The following SCARA5 variants were observed in gnomAD, a reference collection of about 807,000 sequenced individuals.
SCARA5 encodes scavenger receptor class A member 5.
SCARA5 carries 45 observed loss-of-function variants against 46.3 expected under a neutral mutation model. The observed-to-expected ratio is 0.97, with a 90% CI of 0.76 to 1.24. SCARA5 has a LOEUF of 1.24. Among genes scored for constraint, SCARA5 ranks in the 50% most tolerant of loss-of-function variants. The probability of loss-of-function intolerance (pLI) is 0.00; values close to 1 mark genes in which losing one functional copy is unlikely to be tolerated. For synonymous variants in SCARA5, 333 were observed against 306.5 expected, an observed-to-expected ratio of 1.09 and a Z score of -0.90; for missense variants, 680 against 689.0, an observed-to-expected ratio of 0.99 and a Z score of 0.15.
At chr8:27,897,290 C>T (rs992862538) in intron 7 of SCARA5, among the ~76,000 whole-genome samples, 7 of 152,276 alleles carry the variant, frequency 4.6e-5, no homozygotes, top group African/African-American at 7.2e-5. Flanking sequence ...GGACTCAATC[C>T]GCAGAGCCCA....
intron 2 of SCARA5, among the ~76,000 whole-genome samples, chr8:27,967,297 C>T (rs1482944368): frequency 6.6e-6 from 1 of 152,158 alleles, no homozygotes; most frequent in African/African-American, 2.4e-5. Context: ...TAATTCAACC[C>T]CTTTGTTGTA....
chr8:27,904,676 C>A (rs1306948445), intron 7 of SCARA5, 102 bp downstream of exon 7: 1 of 1,056,870 alleles, frequency 9.5e-7, no homozygotes, highest in Non-Finnish European at 1.5e-6. Context: ...TGAGCCCCAG[C>A]CATGGCTCCA....
chr8:27,916,769 A>G (rs1807467938), intron 4 of SCARA5, among the ~76,000 whole-genome samples: 2 of 152,186 alleles, frequency 1.3e-5, no homozygotes, highest in African/African-American at 4.8e-5. Context: ...CAGTGGTGAT[A>G]ATGAGAGCTG....
chr8:27,891,203 T>TTTG (rs1415737681), intron 7 of SCARA5, among the ~76,000 whole-genome samples: 3 of 52,140 alleles, frequency 5.8e-5, no homozygotes, highest in Non-Finnish European at 1.9e-4. Context: ...AGGTTTGTTT[T>TTTG]TTTTTTGTTT....
chr8:27,928,699 T>G (rs1377153081), intron 3 of SCARA5, among the ~76,000 whole-genome samples: 2 of 152,146 alleles, frequency 1.3e-5, no homozygotes, highest in South Asian at 4.1e-4. Context: ...AGAGTTTTGC[T>G]TTGTTGCTCA....
chr8:27,940,242 G>A (rs572864626), intron 3 of SCARA5, among the ~76,000 whole-genome samples: 81 of 152,254 alleles, frequency 5.3e-4, no homozygotes, highest in African/African-American at 1.9e-3. Flanking sequence ...TTATTCTCAC[G>A]AGTAAGCATG....
intron 4 of SCARA5, among the ~76,000 whole-genome samples, chr8:27,916,369 G>C (rs1036969864): frequency 6.6e-6 from 1 of 152,110 alleles, no homozygotes; most frequent in Admixed American, 6.5e-5. Context: ...GTGCATGTGT[G>C]TGTACATGCA....
chr8:27,920,591 C>T (rs1379441563), intron 4 of SCARA5, among the ~76,000 whole-genome samples: 6 of 143,886 alleles, frequency 4.2e-5, no homozygotes, highest in Admixed American at 2.8e-4. Flanking sequence ...CCAGCCTGAG[C>T]GACAGAGCGA....
At chr8:27,890,342 G>A (rs985952294) in intron 7 of SCARA5, among the ~76,000 whole-genome samples, 1 of 152,228 alleles carries the variant, frequency 6.6e-6, no homozygotes, top group Non-Finnish European at 1.5e-5. Context: ...AAACCAGCAG[G>A]GCCCAGGGTG....
chr8:27,976,702 A>G lies in SCARA5; in HGVS notation c.113-10160T>C, dbSNP rs563474303. On this transcript the variant is annotated intron_variant, in intron 2 of 8. Transcript: ENST00000354914. ...AGAAATGCTGAGAGCCTCCCCTGCCACTTGTAGAGGACTGAGTCATCCGTG... is the reference window on the plus strand; with the variant it reads ...AGAAATGCTGAGAGCCTCCCCTGCCGCTTGTAGAGGACTGAGTCATCCGTG... Among the ~76,000 whole-genome samples, 308 of 152,226 alleles carry G rather than the reference A, an allele frequency of 2.0e-3. 1 individual carries two copies. In the Middle Eastern group the frequency reaches 0.024, roughly 12 times the overall value.
chr8:27,991,758 A>G (rs546137302), intron 1 of SCARA5, among the ~76,000 whole-genome samples: 21 of 152,318 alleles, frequency 1.4e-4, no homozygotes, highest in African/African-American at 5.1e-4. Flanking sequence ...GCTAAATCAT[A>G]ACCCAAAGCT....
intron 2 of SCARA5, among the ~76,000 whole-genome samples, chr8:27,971,759 C>T (rs901694616): frequency 6.6e-6 from 1 of 151,700 alleles, no homozygotes; most frequent in Non-Finnish European, 1.5e-5. Context: ...GCCAGAAGAG[C>T]CCAGAATGCC....
intron 3 of SCARA5, among the ~76,000 whole-genome samples, chr8:27,937,182 A>G (rs1046369649): frequency 1.3e-5 from 2 of 152,212 alleles, no homozygotes; most frequent in African/African-American, 4.8e-5. Context: ...CTGTAGTAGT[A>G]TAAAGTGAAT....
At chr8:27,902,705 T>C (rs1807177136) in intron 7 of SCARA5, among the ~76,000 whole-genome samples, 1 of 152,180 alleles carries the variant, frequency 6.6e-6, no homozygotes, top group African/African-American at 2.4e-5. Context: ...GGCAGCATTC[T>C]GTCAGAAACC....
At chr8:27,946,772 A>C (rs917392425) in intron 3 of SCARA5, among the ~76,000 whole-genome samples, 14 of 152,294 alleles carry the variant, frequency 9.2e-5, no homozygotes, top group African/African-American at 3.1e-4. Context: ...TGCCCTCTTC[A>C]TCCCAGTGAG....
At chr8:27,936,186 A>G (rs1286297479) in intron 3 of SCARA5, among the ~76,000 whole-genome samples, 2 of 152,110 alleles carry the variant, frequency 1.3e-5, no homozygotes, top group African/African-American at 4.8e-5. Flanking sequence ...TGCAAGTGCC[A>G]TCTGGAGACT....
intron 3 of SCARA5, among the ~76,000 whole-genome samples, chr8:27,926,504 A>G (rs1434138958): frequency 6.6e-6 from 1 of 152,154 alleles, no homozygotes; most frequent in Non-Finnish European, 1.5e-5. Context: ...GTAAATGATG[A>G]GTTGATGTGT....
intron 7 of SCARA5, among the ~76,000 whole-genome samples, chr8:27,882,663 C>A (rs1489124793): frequency 6.6e-6 from 1 of 152,220 alleles, no homozygotes; most frequent in African/African-American, 2.4e-5. Context: ...CTGCCACTTA[C>A]TATCTGCAAC....
chr8:27,930,622 G>A (rs531763922), intron 3 of SCARA5, among the ~76,000 whole-genome samples: 4 of 152,116 alleles, frequency 2.6e-5, no homozygotes, highest in Non-Finnish European at 4.4e-5. Flanking sequence ...GGCTGGTCTC[G>A]AACTCCGGAC....
Sources: gnomAD v4.1 joint callset for allele counts (sites outside exome capture counted in the v4.1 genomes callset) on GRCh38, gnomAD v4.1.1 for gene constraint, MANE v1.5 for transcripts, NCBI Gene and HGNC (gene_info 2026-07-23, HGNC 2026-07-21) for gene names.